The following KCNIP4 variants were observed in gnomAD, a reference collection of about 807,000 sequenced individuals.
The protein encoded by KCNIP4 is Kv channel-interacting protein 4.
KCNIP4 carries 12 observed loss-of-function variants against 34.0 expected under a neutral mutation model. The ratio of observed to expected loss-of-function variants is 0.35; its 90% CI spans 0.23 to 0.57. The LOEUF (loss-of-function observed/expected upper bound fraction) is 0.57, where lower values mean the gene tolerates loss of function less well. Ranked by LOEUF, KCNIP4 falls within the 20% of genes least tolerant of loss-of-function variation. KCNIP4 has a pLI of 0.83. For synonymous variants in KCNIP4, 124 were observed against 102.2 expected (o/e 1.21, Z -1.29); for missense variants, 238 against 311.7 (o/e 0.76, Z 1.78).
At chr4:21,931,225 T>C (rs940171242) in intron 1 of KCNIP4, among the ~76,000 whole-genome samples, 12 of 107,946 alleles carry the variant, frequency 1.1e-4, no homozygotes, top group Non-Finnish European at 1.3e-4. Context: ...CTTTAAATGA[T>C]TGAAGCTCAG....
chr4:21,240,662 TC>T (rs760600696), intron 1 of KCNIP4, among the ~76,000 whole-genome samples: 32 of 152,124 alleles, frequency 2.1e-4, no homozygotes, highest in Non-Finnish European at 3.8e-4. Context: ...AGAGAAGGCT[TC>T]CTGGCTTCCA....
intron 1 of KCNIP4, among the ~76,000 whole-genome samples, chr4:20,972,732 T>G (rs1168213871): frequency 6.6e-6 from 1 of 152,136 alleles, no homozygotes; most frequent in Non-Finnish European, 1.5e-5. Flanking sequence ...TTCCACAGCA[T>G]GGAAAGGGGA....
chr4:20,854,146 G>T (rs779607320), intron 2 of KCNIP4, among the ~76,000 whole-genome samples: 1 of 152,092 alleles, frequency 6.6e-6, no homozygotes, highest in Non-Finnish European at 1.5e-5. Context: ...CTGAGCATCC[G>T]CCCAAAGGAA....
intron 1 of KCNIP4, among the ~76,000 whole-genome samples, chr4:21,426,879 A>G (rs1725973407): frequency 6.6e-6 from 1 of 151,498 alleles, no homozygotes; most frequent in East Asian, 1.9e-4. Context: ...GAAATATTTT[A>G]ATTAAGCATG....
chr4:21,897,438 C>T (rs1727461282), intron 1 of KCNIP4, among the ~76,000 whole-genome samples: 1 of 151,950 alleles, frequency 6.6e-6, no homozygotes, highest in Non-Finnish European at 1.5e-5. Flanking sequence ...TAAAAATCCT[C>T]GAAGAGTAAA....
rs544343465 is a variant in KCNIP4 at position 21,620,362 on chromosome 4, C to T, written c.61+328209G>A. On this transcript the variant is annotated intron_variant, in intron 1 of 8. Transcript: ENST00000382152. ...ACAAAAAATACAAAAATTAGCTGGG[C>T]ATGATGGCACATGTCTGTAGTCCCA... 9.9e-5 allele frequency among the ~76,000 whole-genome samples: 15 copies of T among 152,090 alleles called. No homozygotes were observed. The South Asian group carries it at 2.9e-3, about 29-fold the overall frequency.
chr4:21,913,254 T>C (rs1728441000), intron 1 of KCNIP4, among the ~76,000 whole-genome samples: 1 of 152,072 alleles, frequency 6.6e-6, no homozygotes, highest in Non-Finnish European at 1.5e-5. Context: ...GCAAGAGGAT[T>C]TCTCGAGTCC....
intron 1 of KCNIP4, among the ~76,000 whole-genome samples, chr4:21,149,626 G>C (rs947356038): frequency 6.6e-6 from 1 of 152,110 alleles, no homozygotes; most frequent in Non-Finnish European, 1.5e-5. Flanking sequence ...GAATGTTGAG[G>C]TGAAAAAATT....
At chr4:21,026,926 G>A (rs1242898746) in intron 1 of KCNIP4, among the ~76,000 whole-genome samples, 2 of 152,120 alleles carry the variant, frequency 1.3e-5, no homozygotes, top group Non-Finnish European at 2.9e-5. Context: ...GGCAAGAGTT[G>A]GATGATGCAA....
chr4:21,360,359 C>T (rs1296707838), intron 1 of KCNIP4, among the ~76,000 whole-genome samples: 1 of 151,906 alleles, frequency 6.6e-6, no homozygotes, highest in Non-Finnish European at 1.5e-5. Context: ...TCCAAACCAA[C>T]AGCGACAAAA....
At chr4:21,338,960 A>G (rs1052063440) in intron 1 of KCNIP4, among the ~76,000 whole-genome samples, 1 of 152,182 alleles carries the variant, frequency 6.6e-6, no homozygotes, top group Non-Finnish European at 1.5e-5. Flanking sequence ...TGTAGGTTCT[A>G]TAGGAATCTA....
At chr4:21,166,795 C>T (rs377537183) in intron 1 of KCNIP4, among the ~76,000 whole-genome samples, 3 of 151,818 alleles carry the variant, frequency 2.0e-5, no homozygotes, top group East Asian at 1.9e-4. Context: ...AAAAATTAGC[C>T]GGGTGTAGTG....
intron 1 of KCNIP4, among the ~76,000 whole-genome samples, chr4:21,180,399 G>A (rs1219100722): frequency 1.3e-5 from 2 of 152,118 alleles, no homozygotes; most frequent in African/African-American, 4.8e-5. Flanking sequence ...TATCCCTAGA[G>A]TTCTGCTTTG....
At chr4:21,241,302 CA>C (rs1759794425) in intron 1 of KCNIP4, among the ~76,000 whole-genome samples, 1 of 151,906 alleles carries the variant, frequency 6.6e-6, no homozygotes, top group Non-Finnish European at 1.5e-5. Context: ...AGGCATTTCT[CA>C]AGACTTAAAA....
At chr4:21,423,400 C>T (rs1294167170) in intron 1 of KCNIP4, among the ~76,000 whole-genome samples, 1 of 152,204 alleles carries the variant, frequency 6.6e-6, no homozygotes, top group Admixed American at 6.5e-5. Context: ...TTCTAAATTT[C>T]CATTTTGCTC....
At chr4:21,654,478 C>T (rs1050583369) in intron 1 of KCNIP4, among the ~76,000 whole-genome samples, 3 of 151,714 alleles carry the variant, frequency 2.0e-5, no homozygotes, top group African/African-American at 7.3e-5. Context: ...TCTTTGCTAA[C>T]AAATACCTTG....
chr4:21,921,135 T>G (rs1728918122), intron 1 of KCNIP4, among the ~76,000 whole-genome samples: 1 of 152,206 alleles, frequency 6.6e-6, no homozygotes, highest in South Asian at 2.1e-4. Context: ...CATTTTTATT[T>G]AATGGTTTGT....
chr4:21,779,782 C>A (rs2109210081), intron 1 of KCNIP4, among the ~76,000 whole-genome samples: 1 of 152,060 alleles, frequency 6.6e-6, no homozygotes, highest in Non-Finnish European at 1.5e-5. Context: ...AAAAAATTAG[C>A]CAGGCATGGT....
chr4:21,348,637 T>C (rs952256136), intron 1 of KCNIP4, among the ~76,000 whole-genome samples: 1 of 152,196 alleles, frequency 6.6e-6, no homozygotes, highest in Admixed American at 6.5e-5. Flanking sequence ...AAAAATTTTA[T>C]GGAGAAGCCC....
Sources: gnomAD v4.1 joint callset for allele counts (sites outside exome capture counted in the v4.1 genomes callset) on GRCh38, gnomAD v4.1.1 for gene constraint, MANE v1.5 for transcripts, NCBI Gene and HGNC (gene_info 2026-07-23, HGNC 2026-07-21) for gene names.